Variants in AK9 observed in about 807,000 individuals in gnomAD.
AK9 encodes adenylate kinase 9.
AK9 carries 191 observed loss-of-function variants against 239.6 expected under a neutral mutation model. The observed-to-expected ratio is 0.80, with a 90% CI of 0.71 to 0.90. AK9 has a LOEUF of 0.90. AK9 is among the 40% of genes least tolerant of loss of function. The pLI, the probability that AK9 is intolerant of heterozygous loss-of-function variation, is 0.00. For missense variants in AK9, 1,995 were observed against 2,214.7 expected (o/e 0.90, Z 1.99); for synonymous variants, 689 against 721.0 (o/e 0.96, Z 0.71).
At chr6:109,614,600 G>T in intron 13 of AK9, 120 bp from the exon 14 acceptor site, 1 of 725,054 alleles carries the variant, frequency 1.4e-6, no homozygotes, top group Non-Finnish European at 2.3e-6. Context: ...TGACTTATAA[G>T]CTGTAAGGGC....
At chr6:109,563,816 T>A in intron 23 of AK9, 104 bp from the exon 24 acceptor site, 1 of 1,315,330 alleles carries the variant, frequency 7.6e-7, no homozygotes, top group Non-Finnish European at 1.0e-6. Flanking sequence ...TTATTATTAG[T>A]CTCTTAGATT....
At chr6:109,624,902 C>T (rs1361277889) in intron 12 of AK9, among the ~76,000 whole-genome samples, 3 of 152,068 alleles carry the variant, frequency 2.0e-5, no homozygotes, top group African/African-American at 4.8e-5. Context: ...TCAGTTTATA[C>T]TAATACCTAA....
intron 5 of AK9, among the ~76,000 whole-genome samples, chr6:109,669,468 G>A (rs552663538): frequency 1.3e-5 from 2 of 151,990 alleles, no homozygotes; most frequent in African/African-American, 4.8e-5. Context: ...TCTTGTGCCA[G>A]TTTTCAAAAG....
intron 17 of AK9, among the ~76,000 whole-genome samples, chr6:109,602,556 A>G (rs1313247015): frequency 2.0e-5 from 3 of 151,868 alleles, no homozygotes; most frequent in African/African-American, 7.3e-5. Flanking sequence ...TGTGTCTTGG[A>G]GTTGCTCTTC....
At chr6:109,495,209 G>T in intron 39 of AK9, 129 bp downstream of exon 39, 1 of 714,864 alleles carries the variant, frequency 1.4e-6, no homozygotes, top group Non-Finnish European at 2.2e-6. Context: ...AATAGGCTGA[G>T]AGAATTTGCA....
chr6:109,550,043 A>C (rs551910202), intron 25 of AK9, 47 bp downstream of exon 25: 7 of 1,577,120 alleles, frequency 4.4e-6, no homozygotes, highest in Non-Finnish European at 5.2e-6. Context: ...AATCAGTCCC[A>C]AAAAAATCCT....
At chr6:109,625,091 A>C (rs564722667) in intron 12 of AK9, among the ~76,000 whole-genome samples, 250 of 151,114 alleles carry the variant, frequency 1.7e-3, no homozygotes, top group African/African-American at 5.9e-3. Context: ...TTCAATAATT[A>C]CTCTTATTTT....
intron 35 of AK9, among the ~76,000 whole-genome samples, chr6:109,502,144 C>T (rs1777662801): frequency 1.3e-5 from 2 of 152,156 alleles, no homozygotes; most frequent in East Asian, 1.9e-4. Flanking sequence ...TCTCCTCCCC[C>T]ATGTGTGGGC....
chr6:109,501,779 A>T (rs992333730), intron 35 of AK9, among the ~76,000 whole-genome samples: 1 of 152,212 alleles, frequency 6.6e-6, no homozygotes, highest in Non-Finnish European at 1.5e-5. Flanking sequence ...ACCAGCCATG[A>T]ATGAATCCTG....
chr6:109,614,146 G>T, intron 15 of AK9, 37 bp downstream of exon 15: 2 of 1,479,046 alleles, frequency 1.4e-6, no homozygotes, highest in African/African-American at 1.4e-5. Context: ...ATGAAAATGA[G>T]ATCCACAAAC....
intron 8 of AK9, among the ~76,000 whole-genome samples, chr6:109,647,453 A>G (rs1386255732): frequency 4.6e-5 from 7 of 152,214 alleles, no homozygotes; most frequent in Non-Finnish European, 1.0e-4. Context: ...TCTCTGATAA[A>G]ACAGACTTGA....
chr6:109,634,046 T>C (rs1436443967), intron 10 of AK9, among the ~76,000 whole-genome samples: 1 of 152,178 alleles, frequency 6.6e-6, no homozygotes, highest in Non-Finnish European at 1.5e-5. Context: ...AGAGATGGCA[T>C]GGTGAGTATT....
intron 24 of AK9, among the ~76,000 whole-genome samples, chr6:109,558,155 T>C (rs1443905696): frequency 1.3e-5 from 2 of 152,200 alleles, no homozygotes; most frequent in Non-Finnish European, 2.9e-5. Context: ...GCATCAGATA[T>C]GTGATTTGTA....
intron 17 of AK9, among the ~76,000 whole-genome samples, chr6:109,592,004 A>G (rs1276073318): frequency 1.3e-5 from 2 of 152,326 alleles, no homozygotes; most frequent in South Asian, 2.1e-4. Context: ...CAGAACTAAC[A>G]TCAGAATCAT....
At chr6:109,622,813 T>G (rs1795041704) in intron 12 of AK9, among the ~76,000 whole-genome samples, 2 of 151,934 alleles carry the variant, frequency 1.3e-5, no homozygotes, top group African/African-American at 2.4e-5. Flanking sequence ...TGATAGTTTC[T>G]TTAGAAAAAT....
chr6:109,636,543 T>C (rs532069258), intron 10 of AK9, among the ~76,000 whole-genome samples: 1 of 151,566 alleles, frequency 6.6e-6, no homozygotes, highest in East Asian at 1.9e-4. Flanking sequence ...AACTCTGTAC[T>C]CATGAAATAA....
At chr6:109,621,882 T>A (rs1583291899) in intron 12 of AK9, among the ~76,000 whole-genome samples, 1 of 64,792 alleles carries the variant, frequency 1.5e-5, no homozygotes, top group East Asian at 4.0e-4. Flanking sequence ...CCCTAAAACT[T>A]AAAGTATAAT....
chr6:109,676,789 G>A (rs891387510), intron 1 of AK9, among the ~76,000 whole-genome samples: 1 of 151,886 alleles, frequency 6.6e-6, no homozygotes, highest in African/African-American at 2.4e-5. Flanking sequence ...TTGCACACAT[G>A]CACACATATG....
At chr6:109,587,056 C>CT (rs1432696913) in intron 17 of AK9, among the ~76,000 whole-genome samples, 1 of 152,118 alleles carries the variant, frequency 6.6e-6, no homozygotes, top group African/African-American at 2.4e-5. Context: ...AATCCTCCCC[C>CT]TTTAGCCTCC....
Sources: gnomAD v4.1 joint callset for allele counts (sites outside exome capture counted in the v4.1 genomes callset) on GRCh38, gnomAD v4.1.1 for gene constraint, MANE v1.5 for transcripts, NCBI Gene and HGNC (gene_info 2026-07-23, HGNC 2026-07-21) for gene names.